Variants in KIF26A observed in about 807,000 individuals in gnomAD.
The protein encoded by KIF26A is kinesin family member 26A.
A neutral mutation model predicts 126.0 loss-of-function variants in KIF26A; 74 were observed. The ratio of observed to expected loss-of-function variants is 0.59; its 90% confidence interval spans 0.49 to 0.71. The LOEUF (loss-of-function observed/expected upper bound fraction) is 0.71, where lower values mean the gene tolerates loss of function less well. Ranked by LOEUF, KIF26A falls within the 30% of genes least tolerant of loss-of-function variation. The pLI, the probability that KIF26A is intolerant of heterozygous loss-of-function variation, is 0.00. For missense variants in KIF26A, 2,984 were observed against 2,763.3 expected (o/e 1.08, Z -1.79); for synonymous variants, 1,445 against 1,232.7 (o/e 1.17, Z -3.61).
In KIF26A at chr14:104,152,579, C is replaced by G; in HGVS notation, c.735+118C>G. ...GTAAGGCTTCCCTGAAGGGAGGGGA[C>G]GGCGGGCATGGGGGTTCCTGACACT... On this transcript the variant is annotated intron_variant, in intron 3 of 14. Transcript: ENST00000423312. This position sits in a 1 kb window ranked among gnomAD's most constrained non-coding sequence, Gnocchi z 5.9. 1.0e-6 allele frequency: 1 copy of G among 991,526 alleles called. No homozygotes were observed. The highest frequency in any genetic ancestry group is 1.4e-6 in the Non-Finnish European group (1 of 694,682). The allele number at this position is 991,526 out of a possible 1,614,324, so 61.4% of individuals were successfully genotyped here.
At position 104,157,738 on chromosome 14, in the gene KIF26A, T is replaced by A; in HGVS notation, c.736-17T>A. ...CTGCCCTTGCGTTCCTTATACGCACTCTCTCCTTCCCTCCAGGCCGAGGCA... is the reference window on the plus strand; with the variant it reads ...CTGCCCTTGCGTTCCTTATACGCACACTCTCCTTCCCTCCAGGCCGAGGCA... On this transcript the variant is annotated splice_polypyrimidine_tract_variant and intron_variant, in intron 3 of 14. Transcript: ENST00000423312. The A allele has an allele frequency of 6.2e-7, 1 of 1,607,930 alleles. No homozygotes were observed. The highest frequency in any genetic ancestry group is 8.5e-7 in the Non-Finnish European group (1 of 1,177,992).
intron 4 of KIF26A, among the ~76,000 whole-genome samples, chr14:104,161,931 G>A (rs1014231936): frequency 6.6e-6 from 1 of 152,186 alleles, no homozygotes; most frequent in African/African-American, 2.4e-5. Flanking sequence ...GCAGTGTTGG[G>A]TGTGGGCAGT....
rs1020742473 is a variant in KIF26A at position 104,176,136 on chromosome 14, G to A, written c.3348G>A (p.Glu1116=). ...HGSSISSWLS[E]VSVCTADSRD... ...CCTCCATCAGCTCCTGGCTCAGCGA[G>A]GTCAGCGTCTGCACTGCCGACAGCC... The change falls in exon 12 of 15, where the codon GAG becomes GAA. Residue 1116 remains glutamate (E), a synonymous_variant. Transcript: ENST00000423312. 34 of 1,582,168 alleles carry A rather than the reference G, an allele frequency of 2.1e-5. No individual in the cohort carries two copies. The highest frequency in any genetic ancestry group is 2.7e-5 in the Non-Finnish European group (32 of 1,165,200).
Position 104,142,453 on chromosome 14 carries a change from T to TGGCCTCCTGTGGCCTC in KIF26A, c.288+3165_288+3166insGGCCTCCTGTGGCCTC, listed in dbSNP as rs1555387389. 7.6e-3 allele frequency among the ~76,000 whole-genome samples: 1,156 copies of TGGCCTCCTGTGGCCTC among 152,190 alleles called. 9 individuals carry two copies. The highest frequency in any genetic ancestry group is 0.027 in the African/African-American group (1,108 of 41,506). ...CCCTGTGGCCTGGCCTCCTGTGGCC[T>TGGCCTCCTGTGGCCTC]CCAGGGACCTTTCTCTAATGGGCTG... On this transcript the variant is annotated intron_variant, in intron 2 of 14. Transcript: ENST00000423312.
intron 3 of KIF26A, among the ~76,000 whole-genome samples, chr14:104,154,620 T>C (rs1363448973): frequency 6.6e-6 from 1 of 152,198 alleles, no homozygotes; most frequent in African/African-American, 2.4e-5. Context: ...CCCTGAGAGC[T>C]CTGGACAGTG....
intron 2 of KIF26A, among the ~76,000 whole-genome samples, chr14:104,141,742 G>GCCTGTCTCC: frequency 3.3e-5 from 5 of 152,204 alleles, no homozygotes; most frequent in African/African-American, 1.2e-4. Context: ...GGGTCTCCTT[G>GCCTGTCTCC]AATGTGTTGC....
At position 104,157,880 on chromosome 14, in the gene KIF26A, C is replaced by A. The variant is rs2037796225; in HGVS notation, c.861C>A (p.Thr287=). Reference sequence around the variant, plus strand: ...GAGTCTGCACGTCAGCCCTGGTCACCCCCACCCCGGGCTCGGTGGGGGGCT... The same window carrying A: ...GAGTCTGCACGTCAGCCCTGGTCACACCCACCCCGGGCTCGGTGGGGGGCT... The part of the protein sequence containing the change: ...RGGVCTSALV[T]PTPGSVGGST... The change falls in exon 4 of 15, where the codon ACC becomes ACA. Residue 287 remains threonine (T), a synonymous_variant. Transcript: ENST00000423312. The A allele has an allele frequency of 6.3e-7, 1 of 1,584,966 alleles. No individual in the cohort carries two copies. Among genetic ancestry groups the A allele is most frequent in the Non-Finnish European group, 8.6e-7 (1 of 1,163,242 alleles).
At chr14:104,161,619 C>T (rs915980877) in intron 4 of KIF26A, among the ~76,000 whole-genome samples, 2 of 152,212 alleles carry the variant, frequency 1.3e-5, no homozygotes, top group South Asian at 2.1e-4. Context: ...TTCAGGTGCC[C>T]GCTGTCTCGT....
Position 104,179,890 on chromosome 14 carries a change from A to T in KIF26A, c.*100A>T. ...TGGGGGCTGCGGGGGGAGGATGCGG[A>T]GGGGTTTCTGTGCAGGACGGGAGTC... is the stretch of plus-strand genomic sequence containing the variant. On this transcript the variant is annotated 3_prime_UTR_variant, in exon 15 of 15. Coordinates refer to ENST00000423312, the MANE Select transcript of KIF26A (RefSeq NM_015656.2). 5.3e-6 allele frequency: 6 copies of T among 1,133,858 alleles called. No individual in the cohort carries two copies. The highest frequency in any genetic ancestry group is 1.7e-5 in the African/African-American group (1 of 59,328). 70.2% of individuals were successfully genotyped at this position (1,133,858 alleles called of 1,614,324 possible).
chr14:104,160,727 G>A (rs769201032), intron 4 of KIF26A, among the ~76,000 whole-genome samples: 11 of 152,332 alleles, frequency 7.2e-5, no homozygotes, highest in East Asian at 1.9e-4. Flanking sequence ...GGTTTGTGCC[G>A]GCGCTGGGAG....
chr14:104,175,182 G>A lies in KIF26A; in HGVS notation c.2394G>A (p.Ala798=), dbSNP rs750421483. The stretch of plus-strand genomic sequence containing the variant: ...TCATCTACGTGGGGCCCGGTGGGGC[G>A]GCGCTGTCAGACCGGGAGCTCACCG... ...DTVIYVGPGG[A]ALSDRELTDN... is the part of the protein sequence containing the mutation. The change falls in exon 12 of 15, where the codon GCG becomes GCA. Residue 798 remains alanine (A), a synonymous_variant. Transcript: ENST00000423312. 2.2e-5 allele frequency: 35 copies of A among 1,607,620 alleles called. No homozygotes were observed. Among genetic ancestry groups the A allele is most frequent in the East Asian group, 9.0e-5 (4 of 44,688 alleles).
intron 4 of KIF26A, among the ~76,000 whole-genome samples, chr14:104,158,530 A>G (rs2037804590): frequency 6.6e-6 from 1 of 152,152 alleles, no homozygotes; most frequent in African/African-American, 2.4e-5. Context: ...GTCCAGCTCC[A>G]CCAGGAGCAT....
intron 3 of KIF26A, among the ~76,000 whole-genome samples, chr14:104,157,196 C>T (rs1367985655): frequency 6.6e-6 from 1 of 152,176 alleles, no homozygotes; most frequent in African/African-American, 2.4e-5. Context: ...ATGAGGAGGC[C>T]TCCCTTTCTG....
In KIF26A at chr14:104,173,160, C is replaced by A. The variant is rs1174675592; in HGVS notation, c.1604C>A (p.Ala535Asp). The change falls in exon 8 of 15, where the codon GCC becomes GAC. Residue 535 changes from alanine to aspartate, a missense_variant. Coordinates refer to ENST00000423312, the MANE Select transcript of KIF26A (RefSeq NM_015656.2). ...GACCAGAGCCTGCGGGACCTGCTGG[C>A]CGAGGTGGCCCCTGGCAGCCTCCAG... ...GRDQSLRDLL[A>D]EVAPGSLQDT... is the part of the protein sequence containing the mutation. The A allele has an allele frequency of 1.2e-6, 2 of 1,611,300 alleles. No individual in the cohort carries two copies. The highest frequency in any genetic ancestry group is 8.5e-7 in the Non-Finnish European group (1 of 1,179,328).
In KIF26A at chr14:104,173,850, C is replaced by G. The variant is rs769299235; in HGVS notation, c.2012C>G (p.Ala671Gly). The G allele has an allele frequency of 3.1e-6, 5 of 1,595,642 alleles. No individual in the cohort carries two copies. Among genetic ancestry groups the G allele is most frequent in the Non-Finnish European group, 4.2e-6 (5 of 1,176,470 alleles). The change falls in exon 10 of 15, where the codon GCC becomes GGC. Residue 671 changes from alanine (A) to glycine (G), a missense_variant. Physicochemically the swap from Ala to Gly is moderately conservative, Grantham distance 60 (BLOSUM62 0). Coordinates refer to ENST00000423312, the MANE Select transcript of KIF26A (RefSeq NM_015656.2). The stretch of plus-strand genomic sequence containing the variant: ...GTCATCTTGGCCCTGGTCAACGGAG[C>G]CAAGCATGTGCCGTATCGGTGAGTG... ...GSVILALVNGAKHVPYRDHRL... is the reference protein window; with the variant it reads ...GSVILALVNGGKHVPYRDHRL...
intron 4 of KIF26A, among the ~76,000 whole-genome samples, chr14:104,165,459 G>GTGTGTGTGTGTGTCTCTGTATGCA (rs748780476): frequency 6.8e-6 from 1 of 147,308 alleles, no homozygotes; most frequent in African/African-American, 2.6e-5. Context: ...TTCTGTATGC[G>GTGTGTGTGTGTGTCTCTGTATGCA]TGTGTGTGTG....
Position 104,176,282 on chromosome 14 carries a change from G to A in KIF26A, c.3494G>A (p.Arg1165Lys). The part of the protein sequence containing the change: ...DGSSGFLGPD[R>K]PDSPGPTWGP... ...AGCTCTGGGTTCCTGGGGCCAGACAGACCTGACAGTCCTGGGCCAACCTGG... is the reference window on the plus strand; with the variant it reads ...AGCTCTGGGTTCCTGGGGCCAGACAAACCTGACAGTCCTGGGCCAACCTGG... The change falls in exon 12 of 15, where the codon AGA (arginine) becomes AAA (lysine). Residue 1165 changes from arginine to lysine, a missense_variant. Arg to Lys is a conservative substitution (Grantham distance 26). Coordinates refer to ENST00000423312, the MANE Select transcript of KIF26A (RefSeq NM_015656.2). 1 of 1,591,318 alleles carries A rather than the reference G, an allele frequency of 6.3e-7. No homozygotes were observed. The highest frequency in any genetic ancestry group is 1.1e-5 in the South Asian group (1 of 88,368).
chr14:104,140,505 C>G (rs2037627790), intron 2 of KIF26A, among the ~76,000 whole-genome samples: 1 of 152,204 alleles, frequency 6.6e-6, no homozygotes, highest in Non-Finnish European at 1.5e-5. Flanking sequence ...ACAGGAGGGG[C>G]ATTAAGATTG....
At chr14:104,171,183 G>T (rs904331382) in intron 5 of KIF26A, among the ~76,000 whole-genome samples, 3 of 152,260 alleles carry the variant, frequency 2.0e-5, no homozygotes, top group African/African-American at 7.2e-5. Context: ...AGGCCACAGG[G>T]TGCCAGGGTT....
Sources: allele counts gnomAD v4.1 joint callset (sites outside exome capture counted in the v4.1 genomes callset), GRCh38; gene constraint gnomAD v4.1.1; non-coding constraint Gnocchi (gnomAD v3.1); transcripts MANE v1.5; gene names NCBI Gene and HGNC (gene_info 2026-07-23, HGNC 2026-07-21).